The following HERPUD2 variants were observed in gnomAD, a reference collection of about 807,000 sequenced individuals.
HERPUD2 encodes the protein HERPUD family member 2.
In HERPUD2, 13 loss-of-function variants were observed where a neutral mutation model predicts 49.9. That is an observed-to-expected ratio of 0.26 (90% CI 0.17 to 0.41). The LOEUF (loss-of-function observed/expected upper bound fraction) is 0.41. Ranked by LOEUF, HERPUD2 falls within the 10% of genes least tolerant of loss-of-function variation. The pLI, the probability that HERPUD2 is intolerant of heterozygous loss-of-function variation, is 1.00. For missense variants in HERPUD2, 449 were observed against 492.2 expected (o/e 0.91, Z 0.83); for synonymous variants, 172 against 171.4 (o/e 1.00, Z -0.03).
intron 2 of HERPUD2, among the ~76,000 whole-genome samples, chr7:35,681,690 G>C (rs1214166302): frequency 1.3e-5 from 2 of 152,088 alleles, no homozygotes; most frequent in African/African-American, 4.8e-5. Flanking sequence ...CTATAATGTA[G>C]ATGAGCCTTG....
chr7:35,643,113 A>G (rs188009378), intron 5 of HERPUD2, among the ~76,000 whole-genome samples: 42 of 152,336 alleles, frequency 2.8e-4, no homozygotes, highest in Admixed American at 7.2e-4. Flanking sequence ...GCTGTCCTCT[A>G]ATAATAGAGA....
At chr7:35,634,088 GA>G (rs150004136) in intron 8 of HERPUD2, among the ~76,000 whole-genome samples, 3 of 150,962 alleles carry the variant, frequency 2.0e-5, no homozygotes, top group South Asian at 2.1e-4. Context: ...CTATTTTCAA[GA>G]AAAAAAAAGT....
Position 35,661,933 on chromosome 7 carries a change from C to T in HERPUD2, c.494+5501G>A, listed in dbSNP as rs566684233. Among the ~76,000 whole-genome samples, 172 of 152,218 alleles carry T rather than the reference C, an allele frequency of 1.1e-3. 1 individual carries two copies. The highest frequency in any genetic ancestry group is 2.1e-3 in the Non-Finnish European group (142 of 68,000). On this transcript the variant is annotated intron_variant, in intron 5 of 8. Transcript: ENST00000311350. The stretch of plus-strand genomic sequence containing the variant: ...TACGTTGAAAAGGAGTGGTGAGAGA[C>T]GGCATCCCTGTCTTGTGCCAGTTTT...
At chr7:35,659,464 T>C (rs1484034641) in intron 5 of HERPUD2, among the ~76,000 whole-genome samples, 2 of 152,252 alleles carry the variant, frequency 1.3e-5, no homozygotes, top group Non-Finnish European at 2.9e-5. Context: ...CTTATAAGGA[T>C]GAAAGAATTT....
intron 5 of HERPUD2, among the ~76,000 whole-genome samples, chr7:35,660,152 T>C (rs1254586156): frequency 1.3e-5 from 2 of 152,218 alleles, no homozygotes; most frequent in Non-Finnish European, 2.9e-5. Flanking sequence ...CTTGCGATAG[T>C]TTGCTCAGAA....
In HERPUD2 at chr7:35,634,372, G is replaced by T; in HGVS notation, c.999C>A (p.Asn333Lys). 1.9e-6 allele frequency: 3 copies of T among 1,614,006 alleles called. No homozygotes were observed. The highest frequency in any genetic ancestry group is 1.1e-5 in the South Asian group (1 of 91,084). Residue 333 changes from asparagine (N) to lysine (K), a missense_variant, in exon 8 of 9, where the codon AAC becomes AAA. Asn to Lys is a moderately conservative substitution (Grantham distance 94). Transcript: ENST00000311350. ...RQEGGHQQAP[N>K]NNAEVNNDGQ... ...CATCATTGTTAACTTCGGCATTATT[G>T]TTGGGAGCCTGCTGATGACCTCCTT...
At chr7:35,662,160 A>G (rs887644094) in intron 5 of HERPUD2, among the ~76,000 whole-genome samples, 5 of 152,170 alleles carry the variant, frequency 3.3e-5, no homozygotes, top group African/African-American at 7.2e-5. Context: ...AGTTCTGTTT[A>G]TAGGATGGAT....
chr7:35,637,618 C>G (rs1383333712), intron 6 of HERPUD2, among the ~76,000 whole-genome samples: 2 of 152,138 alleles, frequency 1.3e-5, no homozygotes. Flanking sequence ...CCACAGAGAG[C>G]TAACAACTAA....
At chr7:35,685,902 G>A (rs1443992885) in intron 2 of HERPUD2, among the ~76,000 whole-genome samples, 9 of 151,850 alleles carry the variant, frequency 5.9e-5, no homozygotes, top group Middle Eastern at 3.4e-3. Context: ...CGGAGGTTGC[G>A]GTGAGCCAGG....
rs1187930200 is a variant in HERPUD2, at chr7:35,686,747, C to CAAAAAAAA, written c.147+7436_147+7437insTTTTTTTT. ...AAAAAAAAAAAAAAAAAAAAAAAAC[C>CAAAAAAAA]AAACCCATTTCCAGGCCAGGGGTGG... On this transcript the variant is annotated intron_variant, in intron 2 of 8. Transcript: ENST00000311350. Among the ~76,000 whole-genome samples the CAAAAAAAA allele has an allele frequency of 2.4e-4, 5 of 20,694 alleles. 1 individual carries two copies. The highest frequency in any genetic ancestry group is 3.8e-4 in the Non-Finnish European group (5 of 13,228). 13.6% of individuals were successfully genotyped at this position (20,694 alleles called of 152,430 possible).
intron 2 of HERPUD2, among the ~76,000 whole-genome samples, chr7:35,693,379 T>C (rs1351802853): frequency 1.3e-5 from 2 of 152,174 alleles, no homozygotes; most frequent in Non-Finnish European, 2.9e-5. Flanking sequence ...AATTCTTTGG[T>C]CCTTGAAACA....
At chr7:35,680,353 G>A (rs1013496976) in intron 2 of HERPUD2, among the ~76,000 whole-genome samples, 1 of 152,112 alleles carries the variant, frequency 6.6e-6, no homozygotes, top group Non-Finnish European at 1.5e-5. Context: ...AGGCTGCAGT[G>A]AGCTATGATC....
intron 5 of HERPUD2, among the ~76,000 whole-genome samples, chr7:35,661,289 G>C (rs370133661): frequency 6.6e-6 from 1 of 152,200 alleles, no homozygotes; most frequent in South Asian, 2.1e-4. Flanking sequence ...TAGCCTTGTA[G>C]TATAGTTTGA....
At chr7:35,666,146 A>G (rs560386056) in intron 5 of HERPUD2, among the ~76,000 whole-genome samples, 1 of 152,236 alleles carries the variant, frequency 6.6e-6, no homozygotes, top group Non-Finnish European at 1.5e-5. Flanking sequence ...CTACTGTTCC[A>G]TAATATAAAC....
intron 2 of HERPUD2, among the ~76,000 whole-genome samples, chr7:35,680,259 T>C (rs1785851572): frequency 6.6e-6 from 1 of 151,646 alleles, no homozygotes; most frequent in East Asian, 1.9e-4. Flanking sequence ...TTTTTTTAAA[T>C]GTAGCCAGGT....
chr7:35,657,676 G>A (rs1785307563), intron 5 of HERPUD2, among the ~76,000 whole-genome samples: 2 of 149,436 alleles, frequency 1.3e-5, no homozygotes, highest in African/African-American at 2.5e-5. Context: ...TTGGGAGGCC[G>A]AGGAGGGCGG....
At chr7:35,687,009 G>A (rs1452081002) in intron 2 of HERPUD2, among the ~76,000 whole-genome samples, 1 of 151,800 alleles carries the variant, frequency 6.6e-6, no homozygotes, top group Non-Finnish European at 1.5e-5. Flanking sequence ...GCAGTGAGCT[G>A]AGATCACGCC....
chr7:35,670,804 T>C (rs550906526), intron 3 of HERPUD2, among the ~76,000 whole-genome samples: 1 of 152,250 alleles, frequency 6.6e-6, no homozygotes, highest in South Asian at 2.1e-4. Flanking sequence ...AAACTATTTT[T>C]ATCTATAACA....
intron 5 of HERPUD2, among the ~76,000 whole-genome samples, chr7:35,643,473 T>A (rs1169698314): frequency 1.3e-5 from 2 of 152,300 alleles, no homozygotes; most frequent in African/African-American, 4.8e-5. Flanking sequence ...GGAATGAAGA[T>A]CTCTCTCTAC....
Sources: gnomAD v4.1 joint callset for allele counts (sites outside exome capture counted in the v4.1 genomes callset) on GRCh38, gnomAD v4.1.1 for gene constraint, MANE v1.5 for transcripts, NCBI Gene and HGNC (gene_info 2026-07-23, HGNC 2026-07-21) for gene names.